Variants in MLIP observed in about 807,000 individuals in gnomAD.
MLIP encodes the protein muscular LMNA interacting protein.
Under a neutral mutation model 84.8 loss-of-function variants are expected in MLIP, and 79 were observed. The observed-to-expected ratio is 0.93, with a 90% CI of 0.78 to 1.12. The LOEUF is 1.12. MLIP is among the 50% of genes most tolerant of loss of function. The probability of loss-of-function intolerance (pLI) is 0.00; values close to 1 mark genes in which losing one functional copy is unlikely to be tolerated. For missense variants in MLIP, 1,257 were observed against 1,160.6 expected, an observed-to-expected ratio of 1.08 and a Z score of -1.21; for synonymous variants, 504 against 463.0, an observed-to-expected ratio of 1.09 and a Z score of -1.14.
chr6:54,228,301 CATAATGTAT>C, intron 11 of MLIP, among the ~76,000 whole-genome samples: 1 of 150,790 alleles, frequency 6.6e-6, no homozygotes, highest in Non-Finnish European at 1.5e-5. Flanking sequence ...ATCACAGGAT[CATAATGTAT>C]ACAAACATAG....
intron 4 of MLIP, among the ~76,000 whole-genome samples, chr6:54,146,905 A>G (rs996147663): frequency 6.6e-6 from 1 of 152,300 alleles, no homozygotes; most frequent in South Asian, 2.1e-4. Context: ...AATTCCAGCC[A>G]GGACTGACAT....
At chr6:54,208,414 C>T (rs1219432117) in intron 11 of MLIP, among the ~76,000 whole-genome samples, 1 of 151,422 alleles carries the variant, frequency 6.6e-6, no homozygotes, top group Non-Finnish European at 1.5e-5. Context: ...AGGGAGACCA[C>T]ATCTCTACAA....
At chr6:54,229,632 G>A (rs962974318) in intron 11 of MLIP, among the ~76,000 whole-genome samples, 1 of 152,120 alleles carries the variant, frequency 6.6e-6, no homozygotes, top group Non-Finnish European at 1.5e-5. Flanking sequence ...TGGTTTTACT[G>A]TTCCTGCATT....
chr6:54,043,923 G>C (rs1175215226), intron 1 of MLIP, among the ~76,000 whole-genome samples: 1 of 152,180 alleles, frequency 6.6e-6, no homozygotes, highest in East Asian at 1.9e-4. Flanking sequence ...GCTCAAAAGT[G>C]TGAGGTGAAG....
At chr6:54,229,175 C>T (rs1780805689) in intron 11 of MLIP, among the ~76,000 whole-genome samples, 1 of 152,066 alleles carries the variant, frequency 6.6e-6, no homozygotes, top group African/African-American at 2.4e-5. Flanking sequence ...CCCAAAACTT[C>T]TAAGAGAATC....
chr6:54,260,611 T>C (rs759989806), intron 13 of MLIP, among the ~76,000 whole-genome samples: 1 of 151,930 alleles, frequency 6.6e-6, no homozygotes, highest in Non-Finnish European at 1.5e-5. Flanking sequence ...AGTAGGAGGA[T>C]CATGAAAGAA....
chr6:54,261,203 C>T (rs1351178336), intron 13 of MLIP, among the ~76,000 whole-genome samples: 1 of 151,986 alleles, frequency 6.6e-6, no homozygotes, highest in African/African-American at 2.4e-5. Context: ...GTAAGTTCAG[C>T]AACTCTTCTA....
intron 10 of MLIP, among the ~76,000 whole-genome samples, chr6:54,197,361 G>A (rs1024969497): frequency 6.6e-6 from 1 of 152,008 alleles, no homozygotes; most frequent in Non-Finnish European, 1.5e-5. Context: ...AAAACAGGGG[G>A]TATGTCTTTT....
intron 12 of MLIP, among the ~76,000 whole-genome samples, chr6:54,250,074 A>C (rs868663757): frequency 1.5e-4 from 23 of 151,818 alleles, no homozygotes; most frequent in Admixed American, 2.6e-4. Context: ...GTGTTATTTC[A>C]CTAAGGATGA....
chr6:54,240,511 T>C (rs1294489780), intron 12 of MLIP, among the ~76,000 whole-genome samples: 2 of 152,212 alleles, frequency 1.3e-5, no homozygotes, highest in Non-Finnish European at 2.9e-5. Context: ...TTATTTTGTG[T>C]GCATATGACA....
At chr6:54,094,947 C>G (rs574633037) in intron 1 of MLIP, among the ~76,000 whole-genome samples, 125 of 152,224 alleles carry the variant, frequency 8.2e-4, no homozygotes, top group African/African-American at 2.9e-3. Context: ...ATGAAGAAAA[C>G]AACCTCCAAA....
chr6:54,088,163 T>C (rs1767624765), intron 1 of MLIP, among the ~76,000 whole-genome samples: 1 of 152,182 alleles, frequency 6.6e-6, no homozygotes, highest in African/African-American at 2.4e-5. Context: ...TTGTCTTTTC[T>C]GAAGAACAAG....
chr6:54,158,904 C>A (rs1358118795), intron 5 of MLIP, among the ~76,000 whole-genome samples: 4 of 151,862 alleles, frequency 2.6e-5, no homozygotes, highest in South Asian at 4.2e-4. Flanking sequence ...GAAATGACAA[C>A]CCCGCTTTTT....
At chr6:54,259,406 C>G (rs1378956648) in intron 13 of MLIP, among the ~76,000 whole-genome samples, 1 of 151,802 alleles carries the variant, frequency 6.6e-6, no homozygotes, top group Admixed American at 6.6e-5. Context: ...TTCACATTGA[C>G]TATATCTACA....
chr6:54,178,635 T>C (rs1420365276), intron 9 of MLIP, among the ~76,000 whole-genome samples: 4 of 152,234 alleles, frequency 2.6e-5, no homozygotes, highest in Non-Finnish European at 5.9e-5. Context: ...TCTTTCTTAA[T>C]TTCTTCATTG....
chr6:54,095,199 T>G (rs901139115), intron 1 of MLIP, among the ~76,000 whole-genome samples: 2 of 152,140 alleles, frequency 1.3e-5, no homozygotes, highest in East Asian at 3.9e-4. Flanking sequence ...ATAGGAAGAC[T>G]TGCAGCAGGC....
At chr6:54,074,163 T>G (rs1179099428) in intron 1 of MLIP, among the ~76,000 whole-genome samples, 2 of 152,216 alleles carry the variant, frequency 1.3e-5, no homozygotes, top group Non-Finnish European at 2.9e-5. Context: ...GTGTTTTTTT[T>G]GAAGCACTAT....
chr6:54,189,779 T>C (rs1433061945), intron 9 of MLIP, 91 bp from the exon 10 acceptor site: 2 of 950,732 alleles, frequency 2.1e-6, no homozygotes, highest in Non-Finnish European at 3.3e-6. Context: ...CATGGACATA[T>C]AATAATAAAC....
At chr6:54,165,608 G>A (rs548771340) in intron 8 of MLIP, among the ~76,000 whole-genome samples, 3 of 152,042 alleles carry the variant, frequency 2.0e-5, no homozygotes, top group South Asian at 2.1e-4. Context: ...ATGTTTGGCC[G>A]TTAAAAGGAA....
Sources: gnomAD v4.1 joint callset for allele counts (sites outside exome capture counted in the v4.1 genomes callset) on GRCh38, gnomAD v4.1.1 for gene constraint, MANE v1.5 for transcripts, NCBI Gene and HGNC (gene_info 2026-07-23, HGNC 2026-07-21) for gene names.